The following NCAM1 variants were observed in gnomAD, a reference collection of about 807,000 sequenced individuals.
The protein encoded by NCAM1 is antigen recognized by monoclonal antibody 5.1H11.
A neutral mutation model predicts 109.8 loss-of-function variants in NCAM1; 14 were observed. The ratio of observed to expected loss-of-function variants is 0.13; its 90% CI spans 0.08 to 0.20. The LOEUF (loss-of-function observed/expected upper bound fraction) is 0.20, where lower values mean the gene tolerates loss of function less well. NCAM1 is among the 10% of genes least tolerant of loss of function. The probability of loss-of-function intolerance (pLI) is 1.00; values close to 1 mark genes in which losing one functional copy is unlikely to be tolerated. For synonymous variants in NCAM1, 418 were observed against 442.9 expected (o/e 0.94, Z 0.70); for missense variants, 774 against 1,109.9 (o/e 0.70, Z 4.30).
chr11:113,134,629 C>G (rs1294654612), intron 1 of NCAM1, among the ~76,000 whole-genome samples: 1 of 152,160 alleles, frequency 6.6e-6, no homozygotes, highest in Non-Finnish European at 1.5e-5. Flanking sequence ...ATTCCCTGTC[C>G]TATAACCCAG....
intron 1 of NCAM1, among the ~76,000 whole-genome samples, chr11:113,185,683 G>T (rs1199636082): frequency 3.3e-5 from 5 of 152,190 alleles, no homozygotes; most frequent in African/African-American, 1.2e-4. Flanking sequence ...AACAACATTA[G>T]AATGATTGTA....
chr11:113,009,331 T>TG lies in NCAM1; in HGVS notation c.52+47667_52+47668insG, dbSNP rs200306232. Among the ~76,000 whole-genome samples, 50 of 136,630 alleles carry TG rather than the reference T, an allele frequency of 3.7e-4. 2 individuals are homozygous for TG. Among genetic ancestry groups the TG allele is most frequent in the East Asian group, 1.6e-3 (7 of 4,506 alleles). 89.6% of individuals were successfully genotyped at this position (136,630 alleles called of 152,430 possible). Reference sequence around the variant, plus strand: ...TTTCGGGTTTTTTTTTTTTTTTTTTTTTTTTTTTTTATTGAGATGGTCTCA... The same window carrying TG: ...TTTCGGGTTTTTTTTTTTTTTTTTTTGTTTTTTTTTTATTGAGATGGTCTCA... On this transcript the variant is annotated intron_variant, in intron 1 of 19. Transcript: ENST00000316851.
rs575398723 is a variant in NCAM1, at chr11:112,963,892, G to A, written c.52+2228G>A. On this transcript the variant is annotated intron_variant, in intron 1 of 19. Coordinates refer to ENST00000316851, the MANE Select transcript of NCAM1 (RefSeq NM_181351.5). This position sits in a 1 kb window ranked among gnomAD's most constrained non-coding sequence, Gnocchi z 4.6. ...AACCAGTGTTCCCTGGAATGAAAGC[G>A]ACCTCTTTCCTGGCCCGGTACCTTG... Among the ~76,000 whole-genome samples the A allele has an allele frequency of 3.9e-5, 6 of 152,264 alleles. No individual in the cohort carries two copies. The South Asian group carries it at 1.2e-3, about 32-fold the overall frequency.
chr11:113,183,758 C>A (rs976184752), intron 1 of NCAM1, among the ~76,000 whole-genome samples: 5 of 137,976 alleles, frequency 3.6e-5, no homozygotes, highest in African/African-American at 1.7e-4. Context: ...ACTTGGAAAG[C>A]AAATGACCTC....
intron 1 of NCAM1, among the ~76,000 whole-genome samples, chr11:113,164,525 AC>A (rs1324688905): frequency 6.6e-6 from 1 of 151,890 alleles, no homozygotes; most frequent in Non-Finnish European, 1.5e-5. Flanking sequence ...GGTTCCCACA[AC>A]CCCCTCCTTA....
chr11:113,231,205 C>T (rs1555117123), intron 9 of NCAM1: 2 of 1,536,110 alleles, frequency 1.3e-6, no homozygotes, highest in South Asian at 2.4e-5. Flanking sequence ...GGTACATGCA[C>T]CATGGAACTG....
intron 2 of NCAM1, among the ~76,000 whole-genome samples, chr11:113,202,987 C>T (rs1410378535): frequency 6.6e-6 from 1 of 152,140 alleles, no homozygotes; most frequent in Non-Finnish European, 1.5e-5. Context: ...GTGCCATGGT[C>T]CCCACCAGAG....
rs1945067775 is a variant in NCAM1, at chr11:113,233,391, TG to T, written c.1693+77del. On this transcript the variant is annotated intron_variant, in intron 13 of 19. Transcript: ENST00000316851. This position sits in a 1 kb window ranked among gnomAD's most constrained non-coding sequence, Gnocchi z 4.5. ...ACTCAGATGTCCCCACCTGCCATCC[TG>T]GGCATGTTCCTACAGAATCAGGAAC... 2.7e-6 allele frequency: 4 copies of T among 1,459,676 alleles called. No individual in the cohort carries two copies. In the South Asian group the frequency reaches 5.3e-5, roughly 19 times the overall value. 90.4% of individuals were successfully genotyped at this position (1,459,676 alleles called of 1,614,324 possible).
chr11:113,132,604 ATGTGTGTGTGTGTGTGTGTGTGTGTGTG>A (rs71060290), intron 1 of NCAM1, among the ~76,000 whole-genome samples: 1 of 130,316 alleles, frequency 7.7e-6, no homozygotes, highest in Admixed American at 7.4e-5. Context: ...ATTAGGAAGC[ATGTGTGTGTGTGTGTGTGTGTGTGTGTG>A]TGTGTGTGTG....
rs117924978 is a variant in NCAM1, at chr11:112,996,362, C to A, written c.52+34698C>A. Among the ~76,000 whole-genome samples the A allele has an allele frequency of 5.2e-3, 797 of 152,298 alleles. 2 individuals are homozygous for A. Among genetic ancestry groups the A allele is most frequent in the Non-Finnish European group, 9.1e-3 (620 of 68,024 alleles). On this transcript the variant is annotated intron_variant, in intron 1 of 19. Coordinates refer to ENST00000316851, the MANE Select transcript of NCAM1 (RefSeq NM_181351.5). ...ACAGTACTATTAAGTGTAGGTATGACTTTGTATAGCAGATCTCTGGATCTT... is the reference window on the plus strand; with the variant it reads ...ACAGTACTATTAAGTGTAGGTATGAATTTGTATAGCAGATCTCTGGATCTT...
intron 15 of NCAM1, among the ~76,000 whole-genome samples, chr11:113,247,381 G>A (rs1555120470): frequency 6.6e-6 from 1 of 152,130 alleles, no homozygotes; most frequent in Non-Finnish European, 1.5e-5. Flanking sequence ...GCATGCAAGG[G>A]GTCCCTGTTT....
chr11:113,181,953 A>C (rs967672802), intron 1 of NCAM1, among the ~76,000 whole-genome samples: 1 of 152,200 alleles, frequency 6.6e-6, no homozygotes, highest in Non-Finnish European at 1.5e-5. Context: ...TACATTCGGA[A>C]TACACATGTC....
intron 8 of NCAM1, among the ~76,000 whole-genome samples, chr11:113,216,293 G>C (rs1320660657): frequency 6.6e-6 from 1 of 151,932 alleles, no homozygotes; most frequent in Non-Finnish European, 1.5e-5. Context: ...GGGACTACAG[G>C]CGCCCGCCAC....
intron 1 of NCAM1, among the ~76,000 whole-genome samples, chr11:113,098,409 G>A (rs191047327): frequency 6.6e-6 from 1 of 152,168 alleles, no homozygotes; most frequent in African/African-American, 2.4e-5. Flanking sequence ...AGGCAAGGTA[G>A]GTGCTTTGTA....
chr11:113,056,026 A>G (rs541855343), intron 1 of NCAM1, among the ~76,000 whole-genome samples: 72 of 120,614 alleles, frequency 6.0e-4, no homozygotes, highest in Non-Finnish European at 1.1e-3. Flanking sequence ...TATATATATA[A>G]AATATATATA....
chr11:113,211,672 G>T (rs2136993303), intron 7 of NCAM1, among the ~76,000 whole-genome samples: 1 of 152,320 alleles, frequency 6.6e-6, no homozygotes, highest in South Asian at 2.1e-4. Context: ...TGTGTCTCAA[G>T]CAGCCCCTGA....
intron 1 of NCAM1, among the ~76,000 whole-genome samples, chr11:113,029,138 T>C (rs1430832178): frequency 1.3e-5 from 2 of 152,202 alleles, no homozygotes; most frequent in Non-Finnish European, 2.9e-5. Flanking sequence ...ATATTGTCAG[T>C]CAGTGGTAAT....
chr11:113,216,229 G>A (rs1944525938), intron 8 of NCAM1, among the ~76,000 whole-genome samples: 3 of 146,872 alleles, frequency 2.0e-5, no homozygotes, highest in South Asian at 4.3e-4. Context: ...GCTCACTGCA[G>A]GCTCCGCCCC....
At chr11:113,246,513 C>T in intron 15 of NCAM1, 143 bp downstream of exon 15, 1 of 640,008 alleles carries the variant, frequency 1.6e-6, no homozygotes, top group Non-Finnish European at 2.8e-6. Context: ...ATCCAGAATT[C>T]ATCATTCCTT....
Sources: allele counts gnomAD v4.1 joint callset (sites outside exome capture counted in the v4.1 genomes callset), GRCh38; gene constraint gnomAD v4.1.1; non-coding constraint Gnocchi (gnomAD v3.1); transcripts MANE v1.5; gene names NCBI Gene and HGNC (gene_info 2026-07-23, HGNC 2026-07-21).